Variants in NFATC2 observed in about 807,000 individuals in gnomAD.
NFATC2 encodes the protein nuclear factor of activated T-cells, cytoplasmic 2.
In NFATC2, 22 loss-of-function variants were observed where a neutral mutation model predicts 87.3. That is an observed-to-expected ratio of 0.25 (90% CI 0.18 to 0.36). NFATC2 has a LOEUF of 0.36. Ranked by LOEUF, NFATC2 falls within the 10% of genes least tolerant of loss-of-function variation. The pLI is 1.00. For missense variants in NFATC2, 1,149 were observed against 1,259.1 expected (o/e 0.91, Z 1.32); for synonymous variants, 565 against 542.2 (o/e 1.04, Z -0.58).
chr20:51,458,424 G>T (rs956674821), intron 5 of NFATC2, among the ~76,000 whole-genome samples: 1 of 151,942 alleles, frequency 6.6e-6, no homozygotes, highest in Non-Finnish European at 1.5e-5. Context: ...AATCATCCCT[G>T]GTTGAGAACA....
chr20:51,464,507 T>C lies in NFATC2; in HGVS notation c.1708+9473A>G, dbSNP rs549677969. ...CACTCTAAACTGCTTCTCCCCATCA[T>C]GCAGCTTTCTGGCACTTCTGAAATA... is the stretch of plus-strand genomic sequence containing the variant. On this transcript the variant is annotated intron_variant, in intron 5 of 10. Coordinates refer to ENST00000371564, the MANE Select transcript of NFATC2 (RefSeq NM_012340.5). Among the ~76,000 whole-genome samples the C allele has an allele frequency of 9.1e-4, 139 of 152,380 alleles. 1 individual carries two copies. Among genetic ancestry groups the C allele is most frequent in the African/African-American group, 3.2e-3 (135 of 41,588 alleles).
At chr20:51,440,932 G>A (rs1002151728) in intron 6 of NFATC2, among the ~76,000 whole-genome samples, 1 of 152,206 alleles carries the variant, frequency 6.6e-6, no homozygotes, top group East Asian at 1.9e-4. Context: ...TTCGCCTGGA[G>A]AACCCAATAA....
chr20:51,412,832 T>C (rs1226718583), intron 9 of NFATC2, among the ~76,000 whole-genome samples: 1 of 152,072 alleles, frequency 6.6e-6, no homozygotes, highest in East Asian at 1.9e-4. Context: ...TGCAATCTCA[T>C]GGGTCTCCCT....
chr20:51,522,203 T>A (rs926631831), intron 2 of NFATC2, among the ~76,000 whole-genome samples: 3 of 132,162 alleles, frequency 2.3e-5, no homozygotes, highest in Admixed American at 9.6e-5. Flanking sequence ...ATCCATTTTT[T>A]AAAAAAACAC....
At chr20:51,474,963 C>CTTTTTTTTTTTTTTTTT (rs1387504137) in intron 4 of NFATC2, among the ~76,000 whole-genome samples, 1 of 147,162 alleles carries the variant, frequency 6.8e-6, no homozygotes. Context: ...ACATATTATA[C>CTTTTTTTTTTTTTTTTT]TTTATTTATT....
intron 9 of NFATC2, chr20:51,398,931 A>AGGGACTCTG: frequency 1.8e-6 from 1 of 567,044 alleles, no homozygotes; most frequent in Non-Finnish European, 3.2e-6. Flanking sequence ...CATGGAGATG[A>AGGGACTCTG]GGGACTCTGT....
At chr20:51,427,824 C>T (rs149658095) in intron 9 of NFATC2, among the ~76,000 whole-genome samples, 128 of 152,322 alleles carry the variant, frequency 8.4e-4, no homozygotes, top group Non-Finnish European at 1.6e-3. Context: ...AGGCAGCCAC[C>T]CTCTCGCTCC....
At chr20:51,539,657 ATTGTT>A (rs1451362786) in intron 1 of NFATC2, among the ~76,000 whole-genome samples, 3 of 152,126 alleles carry the variant, frequency 2.0e-5, no homozygotes, top group Non-Finnish European at 4.4e-5. Context: ...GGCTAGGCTA[ATTGTT>A]TTATTTTTTT....
intron 1 of NFATC2, among the ~76,000 whole-genome samples, chr20:51,535,196 G>A (rs983537299): frequency 2.0e-5 from 3 of 152,118 alleles, no homozygotes; most frequent in Non-Finnish European, 2.9e-5. Flanking sequence ...AACAGGACTC[G>A]CCAGGGCTAA....
chr20:51,399,638 G>A (rs1020264811), intron 9 of NFATC2, among the ~76,000 whole-genome samples: 2 of 152,222 alleles, frequency 1.3e-5, no homozygotes, highest in Non-Finnish European at 2.9e-5. Flanking sequence ...GAATTGGCTA[G>A]TTGGGGTTGG....
chr20:51,539,956 G>T (rs944788963), intron 1 of NFATC2, among the ~76,000 whole-genome samples: 2 of 152,214 alleles, frequency 1.3e-5, no homozygotes, highest in African/African-American at 4.8e-5. Context: ...ACTGAGAAAA[G>T]CTACCTCTAC....
At chr20:51,478,457 T>G (rs1446032127) in intron 3 of NFATC2, among the ~76,000 whole-genome samples, 1 of 152,144 alleles carries the variant, frequency 6.6e-6, no homozygotes, top group African/African-American at 2.4e-5. Context: ...CTGGGTGTAC[T>G]CAAGGTAAAC....
chr20:51,506,986 G>A (rs556461609), intron 3 of NFATC2, among the ~76,000 whole-genome samples: 24 of 152,348 alleles, frequency 1.6e-4, no homozygotes, highest in Admixed American at 6.5e-4. Flanking sequence ...CTGAGCTGCC[G>A]CAGAGGACCC....
chr20:51,461,502 T>C (rs1280101364), intron 5 of NFATC2, among the ~76,000 whole-genome samples: 2 of 152,208 alleles, frequency 1.3e-5, no homozygotes, highest in African/African-American at 4.8e-5. Context: ...CGTCATAAAG[T>C]GGCTTGGGGG....
Position 51,432,578 on chromosome 20 carries a change from G to A in NFATC2, c.2211C>T (p.Ser737=). Residue 737 remains serine (S), a synonymous_variant, in exon 9 of 11, where the codon TCC becomes TCT. Coordinates refer to ENST00000371564, the MANE Select transcript of NFATC2 (RefSeq NM_012340.5). This position sits in a 1 kb window ranked among gnomAD's most constrained non-coding sequence, Gnocchi z 4.6. ...TCTGTTGCTGGTAGCGGGCGTCAGGGGATGAGAGCCCCGTGCGGAACTGCT... is the reference window on the plus strand; with the variant it reads ...TCTGTTGCTGGTAGCGGGCGTCAGGAGATGAGAGCCCCGTGCGGAACTGCT... ...PCQQFRTGLS[S]PDARYQQQNP... The A allele has an allele frequency of 6.5e-7, 1 of 1,533,312 alleles. No individual in the cohort carries two copies. Among genetic ancestry groups the A allele is most frequent in the East Asian group, 2.3e-5 (1 of 44,152 alleles). The allele number at this position is 1,533,312 out of a possible 1,614,324, so 95.0% of individuals were successfully genotyped here. A position where few individuals can be genotyped will look rare whatever the true frequency, so the allele number is the denominator to read the frequency against.
intron 9 of NFATC2, among the ~76,000 whole-genome samples, chr20:51,423,291 C>CA (rs71192527): frequency 0.78 from 49,501 of 63,082 alleles, 19,753 homozygotes; most frequent in Non-Finnish European, 0.85. Flanking sequence ...GACCCTCTCT[C>CA]AAAAAAAAAA....
intron 6 of NFATC2, among the ~76,000 whole-genome samples, chr20:51,437,652 C>T (rs527365155): frequency 1.3e-5 from 2 of 152,122 alleles, no homozygotes; most frequent in South Asian, 2.1e-4. Context: ...GCAATGAACA[C>T]GCTAGAGCCC....
intron 1 of NFATC2, among the ~76,000 whole-genome samples, chr20:51,528,409 C>T (rs2076580581): frequency 7.8e-6 from 1 of 127,460 alleles, no homozygotes; most frequent in Non-Finnish European, 1.8e-5. Context: ...GATGTACACA[C>T]AATGTACACA....
chr20:51,396,800 C>T (rs1460578813), intron 10 of NFATC2, among the ~76,000 whole-genome samples: 2 of 152,184 alleles, frequency 1.3e-5, no homozygotes, highest in Admixed American at 6.5e-5. Flanking sequence ...AACCTGAAAG[C>T]ACATGAAGTC....
Sources: allele counts gnomAD v4.1 joint callset (sites outside exome capture counted in the v4.1 genomes callset), GRCh38; gene constraint gnomAD v4.1.1; non-coding constraint Gnocchi (gnomAD v3.1); transcripts MANE v1.5; gene names NCBI Gene and HGNC (gene_info 2026-07-23, HGNC 2026-07-21).